Variants in DTNA observed in about 807,000 individuals in gnomAD.
DTNA encodes the protein dystrophin-related protein 3.
DTNA carries 43 observed loss-of-function variants against 100.7 expected under a neutral mutation model. The ratio of observed to expected loss-of-function variants is 0.43; its 90% confidence interval spans 0.33 to 0.55. DTNA has a LOEUF of 0.55. Ranked by LOEUF, DTNA falls within the 20% of genes least tolerant of loss-of-function variation. The probability of loss-of-function intolerance (pLI) is 0.04; values close to 1 mark genes in which losing one functional copy is unlikely to be tolerated. For synonymous variants in DTNA, 349 were observed against 347.9 expected (o/e 1.00, Z -0.04); for missense variants, 798 against 953.9 (o/e 0.84, Z 2.15).
intron 14 of DTNA, 96 bp from the exon 15 acceptor site, chr18:34,851,735 C>T: frequency 7.8e-7 from 1 of 1,282,096 alleles, no homozygotes; most frequent in Middle Eastern, 1.9e-4. Flanking sequence ...AGAAATAATT[C>T]CCTCCTCCTT....
chr18:34,696,838 A>T (rs2080637474), intron 1 of DTNA, among the ~76,000 whole-genome samples: 1 of 152,176 alleles, frequency 6.6e-6, no homozygotes, highest in African/African-American at 2.4e-5. Flanking sequence ...CAGGACAGAA[A>T]ATTATTAACC....
At chr18:34,879,509 A>G (rs769622564) in intron 19 of DTNA, 42 bp from the exon 20 acceptor site, 3 of 1,609,368 alleles carry the variant, frequency 1.9e-6, no homozygotes, top group Non-Finnish European at 1.7e-6. Flanking sequence ...TCATAAAAAA[A>G]TCTAACGAGT....
chr18:34,791,303 A>G (rs2094730793), intron 3 of DTNA, among the ~76,000 whole-genome samples: 1 of 152,064 alleles, frequency 6.6e-6, no homozygotes, highest in South Asian at 2.1e-4. Flanking sequence ...TCCTCTCCCC[A>G]GATGTCTGTT....
chr18:34,860,344 G>A (rs1367676700), intron 16 of DTNA, among the ~76,000 whole-genome samples: 1 of 145,952 alleles, frequency 6.9e-6, no homozygotes, highest in Non-Finnish European at 1.5e-5. Flanking sequence ...TGGAATTACA[G>A]GCGTGAGCCA....
chr18:34,673,830 T>G, intron 1 of DTNA, among the ~76,000 whole-genome samples: 1 of 152,228 alleles, frequency 6.6e-6, no homozygotes, highest in East Asian at 1.9e-4. Flanking sequence ...TTTTATCCAC[T>G]TCTATTGACG....
In DTNA at chr18:34,697,970, C is replaced by T. The variant is rs546367201; in HGVS notation, c.-1-58006C>T. The stretch of plus-strand genomic sequence containing the variant: ...TCAGCATGTGAAAAGAAAACAGTAA[C>T]GTTATTTTCAGAGAATGGTTCTGTT... On this transcript the variant is annotated intron_variant, in intron 1 of 19. Transcript: ENST00000283365. Among the ~76,000 whole-genome samples, 14 of 152,304 alleles carry T rather than the reference C, an allele frequency of 9.2e-5. 1 individual carries two copies. The South Asian group carries it at 2.5e-3, about 27-fold the overall frequency.
At chr18:34,550,732 G>A (rs1483216535) in intron 1 of DTNA, among the ~76,000 whole-genome samples, 1 of 152,022 alleles carries the variant, frequency 6.6e-6, no homozygotes, top group Admixed American at 6.6e-5. Context: ...TTGTTATTCA[G>A]GGATCTTCAA....
intron 1 of DTNA, among the ~76,000 whole-genome samples, chr18:34,498,603 T>C (rs2039549221): frequency 6.6e-6 from 1 of 152,042 alleles, no homozygotes; most frequent in Non-Finnish European, 1.5e-5. Flanking sequence ...CAATGATTTA[T>C]TTTTGAGTGA....
At chr18:34,614,297 T>C (rs748360108) in intron 1 of DTNA, among the ~76,000 whole-genome samples, 73 of 152,342 alleles carry the variant, frequency 4.8e-4, no homozygotes, top group Non-Finnish European at 9.6e-4. Context: ...CTGATGGAGA[T>C]GTACAATGAG....
chr18:34,500,149 C>T (rs750000951), intron 1 of DTNA, among the ~76,000 whole-genome samples: 3 of 151,948 alleles, frequency 2.0e-5, no homozygotes, highest in Non-Finnish European at 4.4e-5. Context: ...AACTGCTTAG[C>T]AGTTTAAGGA....
intron 21 of DTNA, among the ~76,000 whole-genome samples, chr18:34,884,170 C>T (rs1291763975): frequency 6.6e-6 from 1 of 152,102 alleles, no homozygotes; most frequent in Non-Finnish European, 1.5e-5. Context: ...CTATTAGAAG[C>T]GTCTATTAGG....
At chr18:34,646,219 A>C (rs1311985600) in intron 1 of DTNA, among the ~76,000 whole-genome samples, 2 of 152,198 alleles carry the variant, frequency 1.3e-5, no homozygotes, top group Non-Finnish European at 2.9e-5. Flanking sequence ...ACAGTGAAAA[A>C]CTGGACACAT....
At chr18:34,644,309 G>A (rs1452525903) in intron 1 of DTNA, among the ~76,000 whole-genome samples, 3 of 152,106 alleles carry the variant, frequency 2.0e-5, no homozygotes, top group Non-Finnish European at 4.4e-5. Flanking sequence ...TTATCATCAA[G>A]AGGATGTTTT....
At position 34,508,624 on chromosome 18, in the gene DTNA, C is replaced by A. The variant is rs190886349; in HGVS notation, c.-2+15110C>A. 1.7e-3 allele frequency among the ~76,000 whole-genome samples: 263 copies of A among 152,282 alleles called. 1 individual carries two copies. The highest frequency in any genetic ancestry group is 0.017 in the Middle Eastern group (5 of 294). On this transcript the variant is annotated intron_variant, in intron 1 of 19. Transcript: ENST00000283365. ...GACAGATGCAGATTTGAGAAGTAGT[C>A]TGTGGCTTCCAGCCCTGAATATGAT...
At chr18:34,774,823 A>G (rs1436029713) in intron 3 of DTNA, among the ~76,000 whole-genome samples, 1 of 152,204 alleles carries the variant, frequency 6.6e-6, no homozygotes, top group Non-Finnish European at 1.5e-5. Context: ...GGTTGCTTCC[A>G]CAGGGTACCA....
intron 11 of DTNA, 23 bp downstream of exon 11, chr18:34,829,512 G>A: frequency 1.3e-6 from 2 of 1,494,900 alleles, no homozygotes; most frequent in South Asian, 2.5e-5. Context: ...GCCCTGAATT[G>A]CTAATCGTAG....
intron 1 of DTNA, among the ~76,000 whole-genome samples, chr18:34,696,407 G>A (rs1319199409): frequency 4.0e-5 from 6 of 151,770 alleles, no homozygotes; most frequent in African/African-American, 7.3e-5. Flanking sequence ...TGGAACCCCC[G>A]TCTCTACTAA....
At chr18:34,633,646 A>G (rs1243524091) in intron 1 of DTNA, among the ~76,000 whole-genome samples, 2 of 152,270 alleles carry the variant, frequency 1.3e-5, no homozygotes, top group African/African-American at 2.4e-5. Context: ...ACTTTTAAGT[A>G]TGGTATGTTT....
At chr18:34,829,905 T>C (rs922394470) in intron 11 of DTNA, among the ~76,000 whole-genome samples, 1 of 152,210 alleles carries the variant, frequency 6.6e-6, no homozygotes, top group Non-Finnish European at 1.5e-5. Flanking sequence ...CTCTTTGCAG[T>C]TAAAGACTTG....
Sources: gnomAD v4.1 joint callset for allele counts (sites outside exome capture counted in the v4.1 genomes callset) on GRCh38, gnomAD v4.1.1 for gene constraint, MANE v1.5 for transcripts, NCBI Gene and HGNC (gene_info 2026-07-23, HGNC 2026-07-21) for gene names.